VDR: variants seen among roughly 807,000 people sequenced by gnomAD.
VDR encodes vitamin D3 receptor.
In VDR, 19 loss-of-function variants were observed where a neutral mutation model predicts 39.7. That is an observed-to-expected ratio of 0.48 (90% CI 0.33 to 0.70). The LOEUF (loss-of-function observed/expected upper bound fraction) is 0.70. Among genes scored for constraint, VDR ranks in the 30% least tolerant of loss-of-function variants. VDR has a pLI of 0.02. For synonymous variants in VDR, 242 were observed against 215.8 expected (o/e 1.12, Z -1.07); for missense variants, 442 against 570.5 (o/e 0.77, Z 2.29).
chr12:47,903,560 CA>C (rs1946608333), intron 1 of VDR, among the ~76,000 whole-genome samples: 1 of 152,188 alleles, frequency 6.6e-6, no homozygotes, highest in Non-Finnish European at 1.5e-5. Flanking sequence ...ACTCTTAGTC[CA>C]TAGAATTGAG....
rs145982490 is a variant in VDR, at chr12:47,887,996, C to T, written c.-83-5222G>A. ...ATCAGGGTGTATTAGTCTGTTTTCA[C>T]GATGCTGATAAAGACATACCTGAGA... On this transcript the variant is annotated intron_variant, in intron 1 of 9. Coordinates refer to ENST00000549336, the MANE Select transcript of VDR (RefSeq NM_000376.3). Among the ~76,000 whole-genome samples, 1,320 of 152,270 alleles carry T rather than the reference C, an allele frequency of 8.7e-3. 26 individuals carry two copies. The highest frequency in any genetic ancestry group is 0.03 in the African/African-American group (1,233 of 41,546).
chr12:47,855,925 T>A, intron 6 of VDR, 124 bp from the exon 7 acceptor site: 1 of 1,112,324 alleles, frequency 9.0e-7, no homozygotes, highest in Non-Finnish European at 1.3e-6. Flanking sequence ...CCACAGTGAC[T>A]CCACAGGTCA....
intron 7 of VDR, among the ~76,000 whole-genome samples, chr12:47,855,337 T>A (rs1460610178): frequency 2.5e-5 from 3 of 121,190 alleles, no homozygotes; most frequent in African/African-American, 3.5e-5. Context: ...GGAAAAAAAA[T>A]AAAAATAAAT....
intron 2 of VDR, 71 bp downstream of exon 2, chr12:47,882,623 G>GGGCCGGGGCCCCCC: frequency 1.8e-6 from 1 of 543,282 alleles, no homozygotes; most frequent in East Asian, 3.6e-5. Flanking sequence ...ACCTTCTTAT[G>GGGCCGGGGCCCCCC]CCCCTCCCCC....
chr12:47,888,370 A>C (rs1430663396), intron 1 of VDR, among the ~76,000 whole-genome samples: 1 of 151,872 alleles, frequency 6.6e-6, no homozygotes, highest in East Asian at 1.9e-4. Context: ...CAGGCTACAT[A>C]CTCTCATTCA....
intron 2 of VDR, among the ~76,000 whole-genome samples, chr12:47,881,769 G>T (rs1432772809): frequency 1.3e-5 from 2 of 152,062 alleles, no homozygotes; most frequent in African/African-American, 4.8e-5. Flanking sequence ...ACCATCCCAA[G>T]TCCAAGCTGA....
intron 2 of VDR, 45 bp downstream of exon 2, chr12:47,882,647 TGA>T: frequency 4.4e-6 from 1 of 227,944 alleles, no homozygotes; most frequent in South Asian, 3.0e-5. Context: ...CCCCGCCCCT[TGA>T]AAACAGAAAG....
chr12:47,884,912 C>T (rs1279907690), intron 1 of VDR, among the ~76,000 whole-genome samples: 2 of 152,124 alleles, frequency 1.3e-5, no homozygotes, highest in Non-Finnish European at 2.9e-5. Context: ...CCTCCTCACT[C>T]GACTTTCCAA....
intron 1 of VDR, among the ~76,000 whole-genome samples, chr12:47,899,065 CA>C (rs1188672014): frequency 1.3e-5 from 2 of 151,920 alleles, no homozygotes; most frequent in African/African-American, 4.8e-5. Context: ...TAAAAATGAA[CA>C]AAAAAGAATT....
intron 6 of VDR, among the ~76,000 whole-genome samples, chr12:47,856,913 A>T (rs1945499387): frequency 6.6e-6 from 1 of 152,246 alleles, no homozygotes; most frequent in Non-Finnish European, 1.5e-5. Flanking sequence ...CACAGCTGGA[A>T]TCCCAGCTTG....
rs187491484 is a variant in VDR, at chr12:47,847,986, G to A, written c.756-1178C>T. Among the ~76,000 whole-genome samples, 424 of 151,596 alleles carry A rather than the reference G, an allele frequency of 2.8e-3. 4 individuals are homozygous for A. The highest frequency in any genetic ancestry group is 1.0e-2 in the African/African-American group (412 of 41,278). On this transcript the variant is annotated intron_variant, in intron 7 of 9. Coordinates refer to ENST00000549336, the MANE Select transcript of VDR (RefSeq NM_000376.3). ...GCGATCTCGGCTCACTGCAAGCTTC[G>A]CCTCCCAGGTTCACGCCATTCTCCT...
At chr12:47,882,282 C>T (rs562181149) in intron 2 of VDR, among the ~76,000 whole-genome samples, 7 of 152,274 alleles carry the variant, frequency 4.6e-5, no homozygotes, top group East Asian at 3.9e-4. Flanking sequence ...AGGTTATTTG[C>T]TGCTATCAAG....
chr12:47,885,013 G>A (rs1412573073), intron 1 of VDR, among the ~76,000 whole-genome samples: 1 of 152,134 alleles, frequency 6.6e-6, no homozygotes, highest in African/African-American at 2.4e-5. Context: ...GACATAAGGT[G>A]GAAAGGAGGA....
intron 1 of VDR, among the ~76,000 whole-genome samples, chr12:47,903,631 A>T (rs188152894): frequency 5.9e-5 from 9 of 152,314 alleles, no homozygotes; most frequent in Admixed American, 2.6e-4. Context: ...CCCTAGCCTG[A>T]GTTAAAGCCT....
intron 3 of VDR, among the ~76,000 whole-genome samples, chr12:47,869,078 C>G (rs962047292): frequency 1.2e-4 from 18 of 152,248 alleles, no homozygotes; most frequent in African/African-American, 4.1e-4. Flanking sequence ...GGCAGCCCCC[C>G]CAGCTGCAGG....
chr12:47,867,360 AAAAG>A (rs1945758438), intron 3 of VDR, among the ~76,000 whole-genome samples: 1 of 152,192 alleles, frequency 6.6e-6, no homozygotes, highest in South Asian at 2.1e-4. Flanking sequence ...TCTCAAAAAA[AAAAG>A]AAAGAAAAGA....
chr12:47,882,635 C>CCCCCCCCCCCCCTTAAAAAAAAA, intron 2 of VDR, 59 bp downstream of exon 2: 1 of 609,822 alleles, frequency 1.6e-6, no homozygotes, highest in South Asian at 1.8e-5. Flanking sequence ...CCCTCCCCCC[C>CCCCCCCCCCCCCTTAAAAAAAAA]ACCCCGCCCC....
rs542317712 is a variant in VDR, at chr12:47,889,025, T to C, written c.-83-6251A>G. On this transcript the variant is annotated intron_variant, in intron 1 of 9. Transcript: ENST00000549336. Reference sequence around the variant, plus strand: ...TTGAAATATCACTCTGTATTCCATATGTACAATTATTATGTGTCAACTACA... The same window carrying C: ...TTGAAATATCACTCTGTATTCCATACGTACAATTATTATGTGTCAACTACA... Among the ~76,000 whole-genome samples, 8 of 152,276 alleles carry C rather than the reference T, an allele frequency of 5.3e-5. No homozygotes were observed. In the South Asian group the frequency reaches 1.5e-3, roughly 28 times the overall value.
rs121909800 is a variant in VDR at position 47,844,859 on chromosome 12, G to A, written c.1171C>T (p.Arg391Cys). Residue 391 changes from arginine to cysteine, a missense_variant, in exon 10 of 10, where the codon CGC (arginine) becomes TGC (cysteine). By Grantham distance (180) the Arg-to-Cys change is radical (BLOSUM62 -3). Around this residue, in one of 5 missense-constraint regions of VDR, gnomAD observed 173 missense variants for 252.0 expected, o/e 0.69. Transcript: ENST00000549336. The part of the protein sequence containing the change: ...AKMIQKLADL[R>C]SLNEEHSKQY... Reference sequence around the variant, plus strand: ...TTGGAGTGCTCCTCATTGAGGCTGCGCAGGTCGGCTAGCTTCTGGATCATC... The same window carrying A: ...TTGGAGTGCTCCTCATTGAGGCTGCACAGGTCGGCTAGCTTCTGGATCATC... 3.1e-6 allele frequency: 5 copies of A among 1,614,208 alleles called. No homozygotes were observed. Among genetic ancestry groups the A allele is most frequent in the South Asian group, 1.1e-5 (1 of 91,086 alleles).
Sources: allele counts gnomAD v4.1 joint callset (sites outside exome capture counted in the v4.1 genomes callset), GRCh38; gene constraint gnomAD v4.1.1; regional missense constraint gnomAD v4.1.1; transcripts MANE v1.5; gene names NCBI Gene and HGNC (gene_info 2026-07-23, HGNC 2026-07-21).